SAMD12: variants seen among roughly 807,000 people sequenced by gnomAD.
SAMD12 encodes sterile alpha motif domain-containing protein 12.
Under a neutral mutation model 15.0 loss-of-function variants are expected in SAMD12, and 9 were observed. That is an observed-to-expected ratio of 0.60 (90% CI 0.36 to 1.05). The LOEUF (loss-of-function observed/expected upper bound fraction) is 1.05, where lower values mean the gene tolerates loss of function less well. SAMD12 is among the 50% of genes least tolerant of loss of function. SAMD12 has a pLI of 0.01. For missense variants in SAMD12, 230 were observed against 234.2 expected, an observed-to-expected ratio of 0.98 and a Z score of 0.12; for synonymous variants, 86 against 90.1, an observed-to-expected ratio of 0.96 and a Z score of 0.25.
chr8:118,187,455 T>G (rs1231263280), downstream of SAMD12, among the ~76,000 whole-genome samples: 1 of 152,160 alleles, frequency 6.6e-6, no homozygotes, highest in Admixed American at 6.6e-5. Context: ...GAAACTAAAA[T>G]GCATTTAAGG....
chr8:118,535,799 G>T (rs1825821972), intron 2 of SAMD12, among the ~76,000 whole-genome samples: 1 of 152,214 alleles, frequency 6.6e-6, no homozygotes, highest in Admixed American at 6.5e-5. Flanking sequence ...CATTGGAAAA[G>T]CGCAGTATTA....
intron 2 of SAMD12, among the ~76,000 whole-genome samples, chr8:118,480,530 G>A (rs1586751515): frequency 6.6e-6 from 1 of 152,134 alleles, no homozygotes. Flanking sequence ...CAAACAACAG[G>A]GTCAAGCAAA....
intron 4 of SAMD12, among the ~76,000 whole-genome samples, chr8:118,230,322 G>A (rs1043349768): frequency 2.0e-5 from 3 of 151,132 alleles, no homozygotes; most frequent in African/African-American, 4.9e-5. Flanking sequence ...ATATTGAAGC[G>A]GGATTCTATC....
chr8:118,502,630 A>G (rs563614544), intron 2 of SAMD12, among the ~76,000 whole-genome samples: 2 of 152,220 alleles, frequency 1.3e-5, no homozygotes, highest in African/African-American at 4.8e-5. Context: ...ACATTTTTCA[A>G]TGAATAAAAA....
Position 118,498,301 on chromosome 8 carries a change from A to G in SAMD12, c.193-58340T>C, listed in dbSNP as rs536133345. Among the ~76,000 whole-genome samples, 10 of 152,366 alleles carry G rather than the reference A, an allele frequency of 6.6e-5. No individual in the cohort carries two copies. The Middle Eastern group carries it at 0.017, about 259-fold the overall frequency. On this transcript the variant is annotated intron_variant, in intron 2 of 3. Coordinates refer to ENST00000314727, the MANE Select transcript of SAMD12 (RefSeq NM_207506.3). ...CTGTTCCCTTGAAGACAGGTCCATT[A>G]TTATGGTATAAAAAATATAGAGAAG...
At chr8:118,175,129 T>C in the SAMD12 span, among the ~76,000 whole-genome samples, 1 of 151,232 alleles carries the variant, frequency 6.6e-6, no homozygotes, top group Non-Finnish European at 1.5e-5. Flanking sequence ...TGGGTGCTGG[T>C]ACAAAAACAG....
intron 1 of SAMD12, among the ~76,000 whole-genome samples, chr8:118,607,009 A>G (rs909766459): frequency 9.2e-5 from 14 of 152,132 alleles, no homozygotes; most frequent in Admixed American, 5.2e-4. Context: ...TCCATAGGCA[A>G]GCACCTACCA....
chr8:118,552,479 C>A (rs529123779), intron 2 of SAMD12, among the ~76,000 whole-genome samples: 64 of 150,310 alleles, frequency 4.3e-4, no homozygotes, highest in Non-Finnish European at 7.6e-4. Context: ...ATTCAACAAC[C>A]CTTCATGCTA....
At chr8:118,329,552 T>A (rs570547834) in intron 4 of SAMD12, among the ~76,000 whole-genome samples, 1 of 152,126 alleles carries the variant, frequency 6.6e-6, no homozygotes, top group African/African-American at 2.4e-5. Flanking sequence ...CCCTTCACTC[T>A]CCATCTACGA....
At chr8:118,447,791 T>C (rs913491567) in intron 2 of SAMD12, among the ~76,000 whole-genome samples, 54 of 151,900 alleles carry the variant, frequency 3.6e-4, no homozygotes, top group South Asian at 8.3e-4. Flanking sequence ...AGTGGCGCCA[T>C]CTCGGCTCAC....
chr8:118,508,034 A>G (rs1018053819), intron 2 of SAMD12, among the ~76,000 whole-genome samples: 2 of 138,766 alleles, frequency 1.4e-5, no homozygotes, highest in African/African-American at 5.4e-5. Flanking sequence ...CGCTCTGTCA[A>G]CCATGCTGGG....
intron 2 of SAMD12, among the ~76,000 whole-genome samples, chr8:118,454,890 T>C (rs1414755781): frequency 6.6e-6 from 1 of 152,230 alleles, no homozygotes; most frequent in East Asian, 1.9e-4. Context: ...CAGGCCATTC[T>C]GTCTTTTTGT....
chr8:118,527,954 G>A (rs1825575148), intron 2 of SAMD12, among the ~76,000 whole-genome samples: 1 of 152,064 alleles, frequency 6.6e-6, no homozygotes, highest in Admixed American at 6.6e-5. Flanking sequence ...CTTATTCACT[G>A]ACACAATGCT....
chr8:118,555,462 GAT>G (rs1389187724), intron 2 of SAMD12, among the ~76,000 whole-genome samples: 1 of 152,090 alleles, frequency 6.6e-6, no homozygotes, highest in Non-Finnish European at 1.5e-5. Context: ...AAGCCAGCAG[GAT>G]TTCTCCTAGT....
At chr8:118,547,940 G>C (rs764599774) in intron 2 of SAMD12, among the ~76,000 whole-genome samples, 4 of 151,874 alleles carry the variant, frequency 2.6e-5, no homozygotes, top group Non-Finnish European at 5.9e-5. Context: ...GTGATAGAGG[G>C]GTACATGTAA....
rs1418348660 is a variant in SAMD12, at chr8:118,289,363, T to A, written c.433+90197A>T. Among the ~76,000 whole-genome samples the A allele has an allele frequency of 6.8e-4, 104 of 152,276 alleles. 2 individuals carry two copies. The highest frequency in any genetic ancestry group is 6.8e-3 in the Admixed American group (104 of 15,302). On this transcript the variant is annotated intron_variant, in intron 4 of 4. Coordinates refer to the SAMD12 transcript ENST00000409003. ...GGTTCAAAGAGAGACACCTGCTAGA[T>A]CACACAAATGTCCCCCTGAAGCAGC...
At chr8:118,575,554 G>A (rs1180517413) in intron 2 of SAMD12, among the ~76,000 whole-genome samples, 5 of 152,132 alleles carry the variant, frequency 3.3e-5, no homozygotes, top group African/African-American at 1.2e-4. Flanking sequence ...TTATTAGCCA[G>A]AAACTAAGTT....
chr8:118,191,756 TTATATATATATATATATATATATA>T lies in SAMD12; in HGVS notation c.*5930_*5953del, dbSNP rs774278612. ...TGTGGTTGAAAAAAAATACTGGAGA[TTATATATATATATATATATATATA>T]TATATATATATATATATATATATAT... On this transcript the variant is annotated 3_prime_UTR_variant, in exon 5 of 5. Transcript: ENST00000409003. 4.7e-3 allele frequency: 72 copies of T among 15,356 alleles called. 2 individuals carry two copies. The highest frequency in any genetic ancestry group is 0.014 in the South Asian group (5 of 368). The allele number at this position is 15,356 out of a possible 1,614,324, so 1.0% of individuals were successfully genotyped here. A position where few individuals can be genotyped will look rare whatever the true frequency, so the allele number is the denominator to read the frequency against.
intron 3 of SAMD12, among the ~76,000 whole-genome samples, chr8:118,407,516 G>T (rs905892816): frequency 2.0e-5 from 3 of 152,170 alleles, no homozygotes; most frequent in Non-Finnish European, 4.4e-5. Flanking sequence ...GAAAATGTTG[G>T]TAGAAGAAGG....
Sources: allele counts gnomAD v4.1 joint callset (sites outside exome capture counted in the v4.1 genomes callset), GRCh38; gene constraint gnomAD v4.1.1; transcripts MANE v1.5; gene names NCBI Gene and HGNC (gene_info 2026-07-23, HGNC 2026-07-21).